TNNI3K: variants seen among roughly 807,000 people sequenced by gnomAD.
TNNI3K encodes TNNI3 interacting kinase.
TNNI3K carries 140 observed loss-of-function variants against 114.5 expected under a neutral mutation model. The observed-to-expected ratio is 1.22, with a 90% CI of 1.07 to 1.41. The LOEUF (loss-of-function observed/expected upper bound fraction) is 1.41. TNNI3K is among the 40% of genes most tolerant of loss of function. The probability of loss-of-function intolerance (pLI) is 0.00; values close to 1 mark genes in which losing one functional copy is unlikely to be tolerated. For missense variants in TNNI3K, 1,125 were observed against 1,007.6 expected, an observed-to-expected ratio of 1.12 and a Z score of -1.58; for synonymous variants, 347 against 347.5, an observed-to-expected ratio of 1.00 and a Z score of 0.02.
chr1:74,282,066 AGGTTGGCCTAT>A (rs1657048462), intron 5 of TNNI3K, among the ~76,000 whole-genome samples: 2 of 152,102 alleles, frequency 1.3e-5, no homozygotes, highest in Admixed American at 1.3e-4. Flanking sequence ...TTCATAAGTG[AGGTTGGCCTAT>A]GGTTTTCTTT....
At chr1:74,518,670 C>CA (rs1193946839) in intron 23 of TNNI3K, among the ~76,000 whole-genome samples, 2 of 152,026 alleles carry the variant, frequency 1.3e-5, no homozygotes. Flanking sequence ...ATAGTGTTTT[C>CA]AAAACAATAT....
chr1:74,449,399 C>G lies in TNNI3K; in HGVS notation c.2011+9777C>G, dbSNP rs191332338. 2.4e-3 allele frequency among the ~76,000 whole-genome samples: 367 copies of G among 151,374 alleles called. 7 individuals carry two copies. In the East Asian group the frequency reaches 0.06, roughly 25 times the overall value. ...CTAGCGGTCTATCAATTTTGTTGAT[C>G]CTTTCAAAAAACCAGCTCCTGGATT... On this transcript the variant is annotated intron_variant, in intron 20 of 24. Transcript: ENST00000326637.
chr1:74,385,335 CTG>C (rs1289205615), intron 17 of TNNI3K, among the ~76,000 whole-genome samples: 1 of 152,144 alleles, frequency 6.6e-6, no homozygotes, highest in Non-Finnish European at 1.5e-5. Context: ...GAGTATATAA[CTG>C]TTAAAACTCA....
At chr1:74,353,137 A>G in intron 9 of TNNI3K, 129 bp from the exon 10 acceptor site, 1 of 955,880 alleles carries the variant, frequency 1.0e-6, no homozygotes, top group Non-Finnish European at 1.5e-6. Context: ...ATCCCTAAAT[A>G]CAGTCTCATT....
chr1:74,310,892 A>G (rs1048133255), intron 5 of TNNI3K, among the ~76,000 whole-genome samples: 1 of 151,698 alleles, frequency 6.6e-6, no homozygotes, highest in Non-Finnish European at 1.5e-5. Context: ...AACTTCAGTG[A>G]AAGACCACCT....
chr1:74,540,824 G>T lies in TNNI3K; in HGVS notation c.2431+511G>T, dbSNP rs569491139. On this transcript the variant is annotated intron_variant, in intron 24 of 24. Coordinates refer to ENST00000326637, the MANE Select transcript of TNNI3K (RefSeq NM_015978.3). ...GCAAATCCAGCCATTCCTTCAAACA[G>T]CTGGAGAGGCAGTGAGGGGACAGTT... Among the ~76,000 whole-genome samples the T allele has an allele frequency of 3.3e-4, 51 of 152,266 alleles. No individual in the cohort carries two copies. The South Asian group carries it at 7.9e-3, about 23-fold the overall frequency.
intron 9 of TNNI3K, among the ~76,000 whole-genome samples, chr1:74,346,771 G>A (rs1035703142): frequency 1.3e-5 from 2 of 151,348 alleles, no homozygotes; most frequent in African/African-American, 4.9e-5. Flanking sequence ...CAATTCTGGA[G>A]GCTAGAAGTC....
intron 20 of TNNI3K, among the ~76,000 whole-genome samples, chr1:74,457,147 G>A (rs1006638052): frequency 1.3e-5 from 2 of 152,092 alleles, no homozygotes; most frequent in African/African-American, 4.8e-5. Context: ...TATGTTTATT[G>A]TGCTAATCCT....
At chr1:74,476,716 A>G (rs1433407269) in intron 21 of TNNI3K, among the ~76,000 whole-genome samples, 7 of 152,162 alleles carry the variant, frequency 4.6e-5, no homozygotes, top group African/African-American at 1.7e-4. Flanking sequence ...TGTGCCCTAA[A>G]CCCACATCTG....
intron 20 of TNNI3K, among the ~76,000 whole-genome samples, chr1:74,451,683 T>TTTTCTTTTCTTTTCTTTC (rs1553148031): frequency 1.0e-4 from 8 of 76,282 alleles, no homozygotes; most frequent in East Asian, 4.5e-4. Flanking sequence ...TTTTCTTTTC[T>TTTTCTTTTCTTTTCTTTC]TTTCTTTCTT....
At chr1:74,298,573 T>C (rs1426399601) in intron 5 of TNNI3K, among the ~76,000 whole-genome samples, 1 of 152,144 alleles carries the variant, frequency 6.6e-6, no homozygotes, top group Non-Finnish European at 1.5e-5. Flanking sequence ...CAATAGACTT[T>C]GTCCCAGGTA....
chr1:74,268,806 G>A (rs977985985), intron 4 of TNNI3K, among the ~76,000 whole-genome samples: 6 of 151,662 alleles, frequency 4.0e-5, no homozygotes, highest in South Asian at 2.1e-4. Context: ...ATGTGAAAAC[G>A]AAACATTTTA....
At chr1:74,477,817 A>G (rs1352547154) in intron 21 of TNNI3K, among the ~76,000 whole-genome samples, 1 of 152,202 alleles carries the variant, frequency 6.6e-6, no homozygotes, top group Non-Finnish European at 1.5e-5. Context: ...TTTCTTTGCC[A>G]TGGGCATTGT....
At chr1:74,311,277 C>T (rs999371794) in intron 5 of TNNI3K, among the ~76,000 whole-genome samples, 5 of 151,982 alleles carry the variant, frequency 3.3e-5, no homozygotes, top group African/African-American at 4.8e-5. Flanking sequence ...TATACTAATA[C>T]GTTTTCAGTT....
chr1:74,440,634 C>T lies in TNNI3K; in HGVS notation c.2011+1012C>T, dbSNP rs150253413. ...ACACCCTGCATAGCAGAGTGCTTTT[C>T]ACAGGTTATGTGCTCTGTGCATAGT... On this transcript the variant is annotated intron_variant, in intron 20 of 24. Coordinates refer to ENST00000326637, the MANE Select transcript of TNNI3K (RefSeq NM_015978.3). Among the ~76,000 whole-genome samples, 1,187 of 152,176 alleles carry T rather than the reference C, an allele frequency of 7.8e-3. 6 individuals are homozygous for T. The highest frequency in any genetic ancestry group is 0.013 in the Non-Finnish European group (879 of 67,982).
chr1:74,515,929 C>T (rs530331428), intron 23 of TNNI3K, among the ~76,000 whole-genome samples: 1 of 152,298 alleles, frequency 6.6e-6, no homozygotes, highest in East Asian at 1.9e-4. Flanking sequence ...TGGCTGCCTT[C>T]AAGGTTCTGA....
At chr1:74,250,590 G>T (rs1654864723) in intron 3 of TNNI3K, 82 bp from the exon 4 acceptor site, 12 of 1,308,446 alleles carry the variant, frequency 9.2e-6, no homozygotes, top group Middle Eastern at 1.9e-4. Flanking sequence ...CAGCTGTATG[G>T]CATTTATCAT....
chr1:74,484,504 TAAATA>T, intron 21 of TNNI3K, among the ~76,000 whole-genome samples: 1 of 152,188 alleles, frequency 6.6e-6, no homozygotes, highest in African/African-American at 2.4e-5. Flanking sequence ...TGCTCTAGAA[TAAATA>T]AAACAAGAAA....
chr1:74,309,498 A>G (rs1394149004), intron 5 of TNNI3K, among the ~76,000 whole-genome samples: 3 of 152,008 alleles, frequency 2.0e-5, no homozygotes, highest in Non-Finnish European at 4.4e-5. Flanking sequence ...TGGCAAGTAC[A>G]CAACAAAAAA....
Sources: gnomAD v4.1 joint callset for allele counts (sites outside exome capture counted in the v4.1 genomes callset) on GRCh38, gnomAD v4.1.1 for gene constraint, MANE v1.5 for transcripts, NCBI Gene and HGNC (gene_info 2026-07-23, HGNC 2026-07-21) for gene names.